The following NRG1 variants were observed in gnomAD, a reference collection of about 807,000 sequenced individuals.
NRG1 encodes the protein pro-neuregulin-1, membrane-bound isoform.
A neutral mutation model predicts 63.8 loss-of-function variants in NRG1; 18 were observed. The observed-to-expected ratio is 0.28, with a 90% confidence interval of 0.19 to 0.42. The LOEUF is 0.42. Among genes scored for constraint, NRG1 ranks in the 10% least tolerant of loss-of-function variants. The probability of loss-of-function intolerance (pLI) is 1.00; values close to 1 mark genes in which losing one functional copy is unlikely to be tolerated. For synonymous variants in NRG1, 302 were observed against 301.3 expected, an observed-to-expected ratio of 1.00 and a Z score of -0.02; for missense variants, 762 against 814.7, an observed-to-expected ratio of 0.94 and a Z score of 0.79.
intron 10 of NRG1, among the ~76,000 whole-genome samples, chr8:32,759,807 A>G (rs1319798282): frequency 6.6e-6 from 1 of 152,186 alleles, no homozygotes; most frequent in Non-Finnish European, 1.5e-5. Flanking sequence ...TAAATTCTCA[A>G]ATGCCCTGGT....
At chr8:31,665,974 G>A (rs1257913299) in intron 1 of NRG1, among the ~76,000 whole-genome samples, 1 of 152,112 alleles carries the variant, frequency 6.6e-6, no homozygotes, top group Non-Finnish European at 1.5e-5. Context: ...TGGGAACAAA[G>A]CCACGTTGTT....
intron 1 of NRG1, among the ~76,000 whole-genome samples, chr8:31,864,568 A>T (rs955482838): frequency 3.9e-5 from 6 of 152,172 alleles, no homozygotes; most frequent in African/African-American, 1.4e-4. Context: ...GCATTCAAGA[A>T]ACTGAAAGGC....
intron 1 of NRG1, among the ~76,000 whole-genome samples, chr8:32,038,173 G>T (rs747962725): frequency 6.6e-6 from 1 of 152,200 alleles, no homozygotes; most frequent in African/African-American, 2.4e-5. Context: ...CATGGGAAAA[G>T]CGTGCTTTTC....
At chr8:32,232,851 G>A (rs1847103197) in intron 1 of NRG1, among the ~76,000 whole-genome samples, 1 of 151,930 alleles carries the variant, frequency 6.6e-6, no homozygotes, top group Admixed American at 6.6e-5. Context: ...CCAAAAAGCT[G>A]GATTCTCCTG....
At position 32,730,442 on chromosome 8, in the gene NRG1, G is replaced by C. The variant is rs528685200; in HGVS notation, c.632+2364G>C. ...CAGTCCAGCCTGGGTGACAGAGTAAGGCTGTCAAAATAAATAAATAAATAG... is the reference window on the plus strand; with the variant it reads ...CAGTCCAGCCTGGGTGACAGAGTAACGCTGTCAAAATAAATAAATAAATAG... On this transcript the variant is annotated intron_variant, in intron 6 of 11. Coordinates refer to ENST00000356819, the Ensembl canonical transcript of NRG1. Among the ~76,000 whole-genome samples the C allele has an allele frequency of 6.6e-5, 10 of 151,986 alleles. No individual in the cohort carries two copies. The East Asian group carries it at 1.5e-3, about 24-fold the overall frequency.
chr8:32,368,032 G>A (rs190900256), intron 1 of NRG1, among the ~76,000 whole-genome samples: 85 of 152,132 alleles, frequency 5.6e-4, no homozygotes, highest in South Asian at 1.7e-3. Context: ...TGGTCTATAC[G>A]TCTGTTTAAA....
rs149698443 is a variant in NRG1, at chr8:32,548,742, G to A, written c.16G>A (p.Glu6Lys). Residue 6 changes from glutamate to lysine, a missense_variant, in exon 1 of 12, where the codon GAA becomes AAA. Glu to Lys is a moderately conservative substitution (Grantham distance 56, BLOSUM62 1). This residue lies in a region of NRG1 where 137 missense variants were observed against 117.7 expected (regional missense o/e 1.16). Coordinates refer to ENST00000356819, the Ensembl canonical transcript of NRG1. ...CTCCGGCGAGATGTCCGAGCGCAAA[G>A]AAGGCAGAGGCAAAGGGAAGGGCAA... 4.2e-5 allele frequency: 67 copies of A among 1,587,436 alleles called. No homozygotes were observed. In the African/African-American group the frequency reaches 7.1e-4, roughly 17 times the overall value.
chr8:32,376,906 A>C (rs142622535), intron 1 of NRG1, among the ~76,000 whole-genome samples: 1 of 152,364 alleles, frequency 6.6e-6, no homozygotes, highest in East Asian at 1.9e-4. Context: ...GAATCAGAAT[A>C]TCAGTTTAAC....
intron 1 of NRG1, among the ~76,000 whole-genome samples, chr8:31,913,048 C>T (rs1833076988): frequency 6.6e-6 from 1 of 152,104 alleles, no homozygotes; most frequent in African/African-American, 2.4e-5. Context: ...TAATTTAATA[C>T]AAACCCTGTA....
intron 1 of NRG1, among the ~76,000 whole-genome samples, chr8:31,836,123 A>T (rs1825669989): frequency 6.6e-6 from 1 of 152,154 alleles, no homozygotes; most frequent in Non-Finnish European, 1.5e-5. Context: ...TCAGAGCATG[A>T]AAAGGAGTAA....
chr8:32,506,074 A>C (rs969120915), intron 1 of NRG1, among the ~76,000 whole-genome samples: 2 of 151,946 alleles, frequency 1.3e-5, no homozygotes, highest in African/African-American at 4.8e-5. Flanking sequence ...AGATAGCAAG[A>C]CCCTGTCTCT....
At chr8:32,474,087 A>T (rs1433831042) in intron 1 of NRG1, among the ~76,000 whole-genome samples, 2 of 152,204 alleles carry the variant, frequency 1.3e-5, no homozygotes, top group Admixed American at 1.3e-4. Context: ...AAATGTGTTT[A>T]TAGTAATATA....
At chr8:31,915,378 G>A (rs1563560648) in intron 1 of NRG1, among the ~76,000 whole-genome samples, 1 of 152,010 alleles carries the variant, frequency 6.6e-6, no homozygotes, top group Non-Finnish European at 1.5e-5. Context: ...TGTCAGCTCT[G>A]GTACATGCCT....
intron 1 of NRG1, among the ~76,000 whole-genome samples, chr8:31,871,554 T>A (rs1829487793): frequency 6.6e-6 from 1 of 152,054 alleles, no homozygotes; most frequent in South Asian, 2.1e-4. Flanking sequence ...GTAAGCGGGG[T>A]GTCCAGAGTC....
intron 1 of NRG1, among the ~76,000 whole-genome samples, chr8:31,747,538 T>G (rs1308314246): frequency 6.6e-6 from 1 of 152,018 alleles, no homozygotes; most frequent in Admixed American, 6.6e-5. Flanking sequence ...TTGTGTAATG[T>G]GGTAAGCATA....
chr8:32,531,782 A>G (rs549068509), intron 1 of NRG1, among the ~76,000 whole-genome samples: 67 of 152,344 alleles, frequency 4.4e-4, no homozygotes, highest in African/African-American at 1.5e-3. Flanking sequence ...CTTCTACCTC[A>G]TAGGGTTATC....
At chr8:32,274,290 G>A (rs61645445) in intron 1 of NRG1, among the ~76,000 whole-genome samples, 5,867 of 152,244 alleles carry the variant, frequency 0.039, 208 homozygotes, top group African/African-American at 0.092. Flanking sequence ...AACAATGCAC[G>A]TGCAACTTTC....
intron 1 of NRG1, among the ~76,000 whole-genome samples, chr8:32,354,475 G>A (rs74381538): frequency 0.07 from 10,713 of 152,234 alleles, 480 homozygotes; most frequent in Middle Eastern, 0.13. Context: ...ACTGAGAGGG[G>A]ATGAGGAGGA....
chr8:31,987,206 A>G (rs1264719606), intron 1 of NRG1, among the ~76,000 whole-genome samples: 1 of 151,650 alleles, frequency 6.6e-6, no homozygotes. Flanking sequence ...AGGCTGAGGC[A>G]GAAGAATTGC....
Sources: gnomAD v4.1 joint callset for allele counts (sites outside exome capture counted in the v4.1 genomes callset) on GRCh38, gnomAD v4.1.1 for gene constraint, gnomAD v4.1.1 regional missense constraint, MANE v1.5 for transcripts, NCBI Gene and HGNC (gene_info 2026-07-23, HGNC 2026-07-21) for gene names.